EMC4: variants seen among roughly 807,000 people sequenced by gnomAD.
The protein encoded by EMC4 is cell proliferation-inducing gene 17 protein.
Under a neutral mutation model 24.2 loss-of-function variants are expected in EMC4, and 9 were observed. The ratio of observed to expected loss-of-function variants is 0.37; its 90% CI spans 0.22 to 0.65. EMC4 has a LOEUF of 0.65. Among genes scored for constraint, EMC4 ranks in the 30% least tolerant of loss-of-function variants. The pLI is 0.59. For synonymous variants in EMC4, 86 were observed against 81.1 expected (o/e 1.06, Z -0.32); for missense variants, 169 against 234.6 (o/e 0.72, Z 1.83).
At chr15:34,225,229 C>T (rs1463058482) in intron 1 of EMC4, 29 bp downstream of exon 1, 1 of 1,512,974 alleles carries the variant, frequency 6.6e-7, no homozygotes, top group African/African-American at 1.4e-5. Flanking sequence ...CTGTACATCA[C>T]TGTTCATCCC....
chr15:34,225,051 T>C lies in EMC4; in HGVS notation c.-64T>C. The C allele has an allele frequency of 1.2e-5, 16 of 1,318,550 alleles. No homozygotes were observed. Among genetic ancestry groups the C allele is most frequent in the Non-Finnish European group, 1.5e-5 (14 of 934,232 alleles). The allele number at this position is 1,318,550 out of a possible 1,614,324, so 81.7% of individuals were successfully genotyped here. ...AGTGAGACAAAGCGGAGAACGCTGG[T>C]GGGCCTGTTGTGGAGTACGCTTTGG... On this transcript the variant is annotated 5_prime_UTR_variant, in exon 1 of 5. Coordinates refer to ENST00000267750, the MANE Select transcript of EMC4 (RefSeq NM_016454.4).
intron 4 of EMC4, 36 bp from the exon 5 acceptor site, chr15:34,229,717 G>A (rs1890788292): frequency 9.0e-7 from 1 of 1,115,372 alleles, no homozygotes; most frequent in East Asian, 2.4e-5. Context: ...ACACTCATTT[G>A]CCACTCACCT....
intron 3 of EMC4, chr15:34,228,093 GA>G (rs1214744201): frequency 3.7e-5 from 17 of 453,904 alleles, no homozygotes; most frequent in African/African-American, 3.1e-4. Context: ...TGAGACAGGA[GA>G]ATCACTTGAA....
Position 34,229,878 on chromosome 15 carries a change from TA to T in EMC4, c.*92del. ...GTGGCTCCTCAGCATACTCTTAAAC[TA>T]ATCACTTATGTTAAAAAGAACCAAA... On this transcript the variant is annotated 3_prime_UTR_variant, in exon 5 of 5. Coordinates refer to ENST00000267750, the MANE Select transcript of EMC4 (RefSeq NM_016454.4). The T allele has an allele frequency of 8.3e-7, 1 of 1,207,622 alleles. No individual in the cohort carries two copies. Among genetic ancestry groups the T allele is most frequent in the African/African-American group, 1.5e-5 (1 of 66,964 alleles). 74.8% of individuals were successfully genotyped at this position (1,207,622 alleles called of 1,614,324 possible).
chr15:34,225,748 C>T (rs575226078), intron 2 of EMC4, 98 bp downstream of exon 2: 6 of 970,756 alleles, frequency 6.2e-6, no homozygotes, highest in Non-Finnish European at 9.9e-6. Context: ...AGCTCTTATC[C>T]TGAAGATTTG....
Position 34,225,613 on chromosome 15 carries a change from C to A in EMC4, c.164C>A (p.Thr55Asn), listed in dbSNP as rs79389628. ...VGYLDKQVPDTSVQETDRILV... is the reference protein window; with the variant it reads ...VGYLDKQVPDNSVQETDRILV... ...TACTTGGACAAGCAAGTGCCTGATA[C>A]CAGCGTGCAAGAGACAGACCGGATC... The change falls in exon 2 of 5, where the codon ACC (threonine) becomes AAC (asparagine). Residue 55 changes from threonine to asparagine, a missense_variant. By Grantham distance (65) the Thr-to-Asn change is moderately conservative. Transcript: ENST00000267750. 6.2e-7 allele frequency: 1 copy of A among 1,614,010 alleles called. No homozygotes were observed. Among genetic ancestry groups the A allele is most frequent in the Admixed American group, 1.7e-5 (1 of 60,014 alleles).
In EMC4 at chr15:34,225,089, C is replaced by A. The variant is rs1234285366; in HGVS notation, c.-26C>A. The A allele has an allele frequency of 1.3e-6, 2 of 1,544,210 alleles. No individual in the cohort carries two copies. The highest frequency in any genetic ancestry group is 1.8e-6 in the Non-Finnish European group (2 of 1,140,284). On this transcript the variant is annotated 5_prime_UTR_variant, in exon 1 of 5. Coordinates refer to ENST00000267750, the MANE Select transcript of EMC4 (RefSeq NM_016454.4). Reference sequence around the variant, plus strand: ...GAGTACGCTTTGGACTGAGAAGCATCGAGGCTATAGGACGCAGCTGTTGCC... The same window carrying A: ...GAGTACGCTTTGGACTGAGAAGCATAGAGGCTATAGGACGCAGCTGTTGCC...
chr15:34,227,563 G>A lies in EMC4; in HGVS notation c.202-130G>A, dbSNP rs1266823196. ...AACGTGGAGAAGGGAAGAGGTCGTA[G>A]AATTGAGGAGTCAGCTCAGTTAGAA... On this transcript the variant is annotated intron_variant, in intron 2 of 4. Transcript: ENST00000267750. 3.2e-6 allele frequency: 3 copies of A among 941,682 alleles called. No individual in the cohort carries two copies. In the African/African-American group the frequency reaches 4.8e-5, roughly 15 times the overall value. 58.3% of individuals were successfully genotyped at this position (941,682 alleles called of 1,614,324 possible).
chr15:34,227,596 G>A lies in EMC4; in HGVS notation c.202-97G>A, dbSNP rs1890678420. 8.2e-6 allele frequency: 11 copies of A among 1,342,114 alleles called. No individual in the cohort carries two copies. The Admixed American group carries it at 1.4e-4, about 17-fold the overall frequency. 83.1% of individuals were successfully genotyped at this position (1,342,114 alleles called of 1,614,324 possible). ...GAGTCAGCTCAGTTAGAAGCAGGGAGTTGGGAATTCCGTTCATGTGATTTA... is the reference window on the plus strand; with the variant it reads ...GAGTCAGCTCAGTTAGAAGCAGGGAATTGGGAATTCCGTTCATGTGATTTA... On this transcript the variant is annotated intron_variant, in intron 2 of 4. Transcript: ENST00000267750.
rs1402031860 is a variant in EMC4, at chr15:34,229,798, A to G, written c.*10A>G. ...AGGACTGCTTTTGTGAACATGAGAA[A>G]GCAGCGCCTGGTCCCTATGTATTTG... is the stretch of plus-strand genomic sequence containing the variant. On this transcript the variant is annotated 3_prime_UTR_variant, in exon 5 of 5. Coordinates refer to ENST00000267750, the MANE Select transcript of EMC4 (RefSeq NM_016454.4). The G allele has an allele frequency of 6.2e-7, 1 of 1,611,950 alleles. No homozygotes were observed. The highest frequency in any genetic ancestry group is 1.7e-5 in the Admixed American group (1 of 59,664).
intron 1 of EMC4, 140 bp downstream of exon 1, chr15:34,225,340 G>T (rs1330992905): frequency 3.1e-5 from 27 of 868,754 alleles, no homozygotes; most frequent in Admixed American, 2.0e-4. Flanking sequence ...CTTTTCTGCC[G>T]TGGAAGTTTC....
rs532864756 is a variant in EMC4 at position 34,225,538 on chromosome 15, G to A, written c.89G>A (p.Gly30Asp). The A allele has an allele frequency of 5.6e-6, 9 of 1,613,632 alleles. No homozygotes were observed. The Admixed American group carries it at 1.0e-4, about 18-fold the overall frequency. ...AGTTTCTTGGTTTGGTTTTTTAGGG[G>A]TCGAAGTGACCGGGGCAGTGGCCAG... ...ELSGPGGGSRGRSDRGSGQGD... is the reference protein window; with the variant it reads ...ELSGPGGGSRDRSDRGSGQGD... The change falls in exon 2 of 5, where the codon GGT becomes GAT. Residue 30 changes from glycine to aspartate, a missense_variant and splice_region_variant. By Grantham distance (94) the Gly-to-Asp change is moderately conservative (BLOSUM62 -1). Transcript: ENST00000267750.
At chr15:34,228,259 G>A (rs1304852872) in intron 3 of EMC4, 170 bp from the exon 4 acceptor site, 3 of 640,780 alleles carry the variant, frequency 4.7e-6, no homozygotes, top group Non-Finnish European at 8.1e-6. Flanking sequence ...TGGGGTAATG[G>A]TGGTGGCATG....
intron 2 of EMC4, chr15:34,226,793 C>G (rs1890659801): frequency 6.6e-6 from 1 of 152,342 alleles, no homozygotes; most frequent in South Asian, 2.1e-4. Context: ...ATCCACCAAG[C>G]TCGGCCTCCC....
chr15:34,225,049 G>A lies in EMC4; in HGVS notation c.-66G>A, dbSNP rs539988914. On this transcript the variant is annotated 5_prime_UTR_variant, in exon 1 of 5. Transcript: ENST00000267750. ...AGAGTGAGACAAAGCGGAGAACGCT[G>A]GTGGGCCTGTTGTGGAGTACGCTTT... 17 of 1,307,524 alleles carry A rather than the reference G, an allele frequency of 1.3e-5. No homozygotes were observed. Among genetic ancestry groups the A allele is most frequent in the Non-Finnish European group, 1.6e-5 (15 of 924,136 alleles). The allele number at this position is 1,307,524 out of a possible 1,614,324, so 81.0% of individuals were successfully genotyped here. A position where few individuals can be genotyped will look rare whatever the true frequency, so the allele number is the denominator to read the frequency against.
At position 34,229,896 on chromosome 15, in the gene EMC4, AG is replaced by A. The variant is rs1890804955; in HGVS notation, c.*109del. The A allele has an allele frequency of 9.6e-7, 1 of 1,039,170 alleles. No homozygotes were observed. Among genetic ancestry groups the A allele is most frequent in the African/African-American group, 1.6e-5 (1 of 62,940 alleles). 64.4% of individuals were successfully genotyped at this position (1,039,170 alleles called of 1,614,324 possible). A position where few individuals can be genotyped will look rare whatever the true frequency, so the allele number is the denominator to read the frequency against. The stretch of plus-strand genomic sequence containing the variant: ...CTTAAACTAATCACTTATGTTAAAA[AG>A]AACCAAAAGACTCTTTTCTCCATGG... On this transcript the variant is annotated 3_prime_UTR_variant, in exon 5 of 5. Transcript: ENST00000267750.
intron 4 of EMC4, 108 bp downstream of exon 4, chr15:34,228,697 T>G: frequency 9.5e-7 from 1 of 1,057,612 alleles, no homozygotes; most frequent in South Asian, 1.7e-5. Context: ...TTTTTTTTTT[T>G]TTTTTTTTTT....
chr15:34,225,126 G>C lies in EMC4; in HGVS notation c.12G>C (p.Gln4His), dbSNP rs1004251131. 1.9e-6 allele frequency: 3 copies of C among 1,551,452 alleles called. No homozygotes were observed. Among genetic ancestry groups the C allele is most frequent in the South Asian group, 1.2e-5 (1 of 84,046 alleles). The change falls in exon 1 of 5, where the codon CAG (glutamine) becomes CAC (histidine). Residue 4 changes from glutamine to histidine, a missense_variant. Coordinates refer to ENST00000267750, the MANE Select transcript of EMC4 (RefSeq NM_016454.4). MTA[Q>H]GGLVANRGRR... The stretch of plus-strand genomic sequence containing the variant: ...ACGCAGCTGTTGCCATGACGGCCCA[G>C]GGGGGCCTGGTGGCTAACCGAGGCC...
At position 34,230,073 on chromosome 15, in the gene EMC4, A is replaced by T. The variant is rs1373850206; in HGVS notation, c.*285A>T. 1 of 415,650 alleles carries T rather than the reference A, an allele frequency of 2.4e-6. No homozygotes were observed. 25.7% of individuals were successfully genotyped at this position (415,650 alleles called of 1,614,324 possible). On this transcript the variant is annotated 3_prime_UTR_variant, in exon 5 of 5. Coordinates refer to ENST00000267750, the MANE Select transcript of EMC4 (RefSeq NM_016454.4). ...AACAAAAAAACATAACTATGTAAAC[A>T]AGAGAATAACTGCTGCTAAATCAAG...
Sources: allele counts gnomAD v4.1 joint callset, GRCh38; gene constraint gnomAD v4.1.1; transcripts MANE v1.5; gene names NCBI Gene and HGNC (gene_info 2026-07-23, HGNC 2026-07-21).